The following ARMC3 variants were observed in gnomAD, a reference collection of about 807,000 sequenced individuals.
ARMC3 encodes the protein armadillo repeat containing 3.
A neutral mutation model predicts 90.3 loss-of-function variants in ARMC3; 74 were observed. The ratio of observed to expected loss-of-function variants is 0.82; its 90% CI spans 0.68 to 0.99. The LOEUF (loss-of-function observed/expected upper bound fraction) is 0.99, where lower values mean the gene tolerates loss of function less well. Among genes scored for constraint, ARMC3 ranks in the 50% least tolerant of loss-of-function variants. ARMC3 has a pLI of 0.00. For synonymous variants in ARMC3, 334 were observed against 361.8 expected, an observed-to-expected ratio of 0.92 and a Z score of 0.87; for missense variants, 958 against 1,042.8, an observed-to-expected ratio of 0.92 and a Z score of 1.12.
chr10:23,003,136 T>A, intron 12 of ARMC3, 110 bp from the exon 13 acceptor site: 2 of 978,498 alleles, frequency 2.0e-6, no homozygotes, highest in Non-Finnish European at 2.9e-6. Context: ...GGGGGAGGCT[T>A]TAAGCTCCAT....
At chr10:22,944,777 C>A (rs1834461226) in intron 2 of ARMC3, among the ~76,000 whole-genome samples, 1 of 152,166 alleles carries the variant, frequency 6.6e-6, no homozygotes, top group East Asian at 1.9e-4. Context: ...ATTTCCAGGG[C>A]CTTCTGCTCT....
chr10:23,032,017 C>T (rs570430413), intron 17 of ARMC3, among the ~76,000 whole-genome samples: 6 of 152,104 alleles, frequency 3.9e-5, no homozygotes, highest in Non-Finnish European at 8.8e-5. Context: ...TTTGGGAGGC[C>T]AAGATGGGAA....
intron 8 of ARMC3, among the ~76,000 whole-genome samples, chr10:22,973,052 G>T (rs1248027152): frequency 6.6e-6 from 1 of 152,000 alleles, no homozygotes; most frequent in African/African-American, 2.4e-5. Context: ...CTAGCACTTT[G>T]GGAGGTTGAG....
chr10:22,947,952 A>G (rs1318355663), intron 3 of ARMC3, among the ~76,000 whole-genome samples: 2 of 152,222 alleles, frequency 1.3e-5, no homozygotes, highest in African/African-American at 2.4e-5. Flanking sequence ...ATTATGTTGC[A>G]TGACATTTTA....
At chr10:22,940,256 G>A (rs777847693) in intron 2 of ARMC3, among the ~76,000 whole-genome samples, 9 of 152,162 alleles carry the variant, frequency 5.9e-5, no homozygotes, top group Non-Finnish European at 1.2e-4. Context: ...AATAACACAA[G>A]TTTAAGATAC....
intron 10 of ARMC3, among the ~76,000 whole-genome samples, chr10:22,990,035 T>C (rs1226719984): frequency 6.6e-6 from 1 of 152,236 alleles, no homozygotes; most frequent in African/African-American, 2.4e-5. Context: ...AAATTATCCA[T>C]GCTACTTTTA....
At chr10:22,961,268 G>T (rs181130529) in intron 6 of ARMC3, 28 of 152,328 alleles carry the variant, frequency 1.8e-4, no homozygotes, top group Admixed American at 1.8e-3. Flanking sequence ...GAGTTTGGGA[G>T]CTTTTCATGG....
intron 17 of ARMC3, among the ~76,000 whole-genome samples, chr10:23,031,880 TTC>T (rs963119324): frequency 6.6e-6 from 1 of 152,122 alleles, no homozygotes; most frequent in Admixed American, 6.6e-5. Context: ...CTCCAACTCT[TTC>T]TCTCTCTTTT....
chr10:23,037,102 A>G (rs781251055), intron 18 of ARMC3, among the ~76,000 whole-genome samples, 168 bp from the exon 19 acceptor site: 1 of 152,248 alleles, frequency 6.6e-6, no homozygotes, highest in Non-Finnish European at 1.5e-5. Flanking sequence ...AATTTATCAC[A>G]TTTGATTGGC....
chr10:23,010,522 T>A (rs1837911967), intron 16 of ARMC3, among the ~76,000 whole-genome samples: 1 of 71,426 alleles, frequency 1.4e-5, no homozygotes, highest in South Asian at 6.4e-4. Flanking sequence ...TTCCCATCTC[T>A]CCTGTCTCCC....
At chr10:23,006,861 T>C in intron 13 of ARMC3, 23 bp from the exon 14 acceptor site, 1 of 1,607,854 alleles carries the variant, frequency 6.2e-7, no homozygotes, top group Non-Finnish European at 8.5e-7. Context: ...ATACTACTTT[T>C]TGGTCCTTAA....
chr10:23,005,950 C>T (rs1837589005), intron 13 of ARMC3, among the ~76,000 whole-genome samples: 1 of 151,682 alleles, frequency 6.6e-6, no homozygotes, highest in Non-Finnish European at 1.5e-5. Flanking sequence ...CTCTGAAATG[C>T]TGGGGAGCCC....
chr10:23,029,470 C>T (rs1481738103), intron 16 of ARMC3, among the ~76,000 whole-genome samples: 1 of 152,076 alleles, frequency 6.6e-6, no homozygotes, highest in Non-Finnish European at 1.5e-5. Flanking sequence ...GGAATAAGAA[C>T]CCATGCTATT....
chr10:22,986,111 C>G (rs1836415253), intron 10 of ARMC3, among the ~76,000 whole-genome samples: 1 of 116,282 alleles, frequency 8.6e-6, no homozygotes, highest in Non-Finnish European at 1.7e-5. Flanking sequence ...GCACTGCACG[C>G]CCCCCCCCCG....
intron 10 of ARMC3, among the ~76,000 whole-genome samples, chr10:22,990,367 A>G (rs1410300589): frequency 6.6e-6 from 1 of 152,154 alleles, no homozygotes; most frequent in Non-Finnish European, 1.5e-5. Context: ...CAGGTGTAGG[A>G]GATTTTGCTG....
intron 13 of ARMC3, 93 bp downstream of exon 13, chr10:23,003,507 A>C (rs1837421089): frequency 3.0e-6 from 3 of 1,014,118 alleles, no homozygotes; most frequent in African/African-American, 3.3e-5. Flanking sequence ...TCATCACCTA[A>C]TGTAATTTAT....
chr10:23,004,688 T>G (rs772510583), intron 13 of ARMC3, among the ~76,000 whole-genome samples: 3 of 152,168 alleles, frequency 2.0e-5, no homozygotes, highest in Admixed American at 6.5e-5. Context: ...GAGCCCCGGT[T>G]GCAGGAAGCA....
intron 10 of ARMC3, among the ~76,000 whole-genome samples, chr10:22,990,770 CCTTAA>C (rs1836672356): frequency 6.6e-6 from 1 of 152,078 alleles, no homozygotes; most frequent in Non-Finnish European, 1.5e-5. Flanking sequence ...CCTCCAGGAC[CCTTAA>C]CTTCTCCACA....
intron 8 of ARMC3, among the ~76,000 whole-genome samples, chr10:22,979,732 C>T (rs189866388): frequency 2.6e-4 from 40 of 152,146 alleles, no homozygotes; most frequent in South Asian, 2.5e-3. Flanking sequence ...AAAACATTTT[C>T]GGAGCCACAT....
Sources: gnomAD v4.1 joint callset for allele counts (sites outside exome capture counted in the v4.1 genomes callset) on GRCh38, gnomAD v4.1.1 for gene constraint, MANE v1.5 for transcripts, NCBI Gene and HGNC (gene_info 2026-07-23, HGNC 2026-07-21) for gene names.